The following CACNA2D3 variants were observed in gnomAD, a reference collection of about 807,000 sequenced individuals.
The protein encoded by CACNA2D3 is voltage-dependent calcium channel subunit alpha-2/delta-3.
In CACNA2D3, 60 loss-of-function variants were observed where a neutral mutation model predicts 160.6. The ratio of observed to expected loss-of-function variants is 0.37; its 90% CI spans 0.30 to 0.46. The LOEUF is 0.46. Among genes scored for constraint, CACNA2D3 ranks in the 20% least tolerant of loss-of-function variants. CACNA2D3 has a pLI of 1.00. For synonymous variants in CACNA2D3, 558 were observed against 492.9 expected (o/e 1.13, Z -1.75); for missense variants, 1,205 against 1,365.0 (o/e 0.88, Z 1.85).
Position 54,182,611 on chromosome 3 carries a change from G to A in CACNA2D3, c.204+59017G>A, listed in dbSNP as rs553546239. Among the ~76,000 whole-genome samples the A allele has an allele frequency of 1.8e-4, 27 of 152,258 alleles. 1 individual carries two copies. The East Asian group carries it at 4.4e-3, about 25-fold the overall frequency. ...TGTAGTCTGAAACAAATGTTACTACGTTATTTGATTTAGAGTGACTATGTT... is the reference window on the plus strand; with the variant it reads ...TGTAGTCTGAAACAAATGTTACTACATTATTTGATTTAGAGTGACTATGTT... On this transcript the variant is annotated intron_variant, in intron 2 of 37. Transcript: ENST00000474759.
intron 3 of CACNA2D3, among the ~76,000 whole-genome samples, chr3:54,363,119 C>T (rs566894434): frequency 9.2e-5 from 14 of 152,228 alleles, no homozygotes; most frequent in Admixed American, 3.3e-4. Context: ...TGCTTGAACC[C>T]AGGAGGCAGA....
intron 2 of CACNA2D3, among the ~76,000 whole-genome samples, chr3:54,205,118 G>A (rs1016062866): frequency 6.6e-6 from 1 of 152,170 alleles, no homozygotes; most frequent in East Asian, 1.9e-4. Flanking sequence ...GATCTAGGTG[G>A]CATGACACCT....
chr3:54,607,842 C>T (rs1017693405), intron 9 of CACNA2D3, among the ~76,000 whole-genome samples: 17 of 152,152 alleles, frequency 1.1e-4, no homozygotes, highest in African/African-American at 1.9e-4. Flanking sequence ...TCCTTCAGCA[C>T]GGGAATGAAT....
rs531916242 is a variant in CACNA2D3, at chr3:54,435,878, A to C, written c.381+49104A>C. Among the ~76,000 whole-genome samples the C allele has an allele frequency of 2.6e-5, 4 of 152,336 alleles. No homozygotes were observed. In the South Asian group the frequency reaches 8.3e-4, roughly 32 times the overall value. Reference sequence around the variant, plus strand: ...AAATTAGAAAATCTTAGCCAAAAACAGAAGTAATTTAAAAGAGAACCAAGT... The same window carrying C: ...AAATTAGAAAATCTTAGCCAAAAACCGAAGTAATTTAAAAGAGAACCAAGT... On this transcript the variant is annotated intron_variant, in intron 4 of 37. Transcript: ENST00000474759.
At chr3:54,759,947 C>T (rs1166439798) in intron 12 of CACNA2D3, among the ~76,000 whole-genome samples, 1 of 152,212 alleles carries the variant, frequency 6.6e-6, no homozygotes, top group East Asian at 1.9e-4. Context: ...ACGGTGAGCA[C>T]ATGCTTTGGG....
intron 17 of CACNA2D3, among the ~76,000 whole-genome samples, chr3:54,871,223 A>ACACACC (rs1553897938): frequency 1.4e-5 from 2 of 143,966 alleles, no homozygotes; most frequent in African/African-American, 2.5e-5. Context: ...ACACACACAC[A>ACACACC]CCCCCCATTC....
At chr3:54,814,648 G>A (rs1703408757) in intron 13 of CACNA2D3, among the ~76,000 whole-genome samples, 1 of 152,228 alleles carries the variant, frequency 6.6e-6, no homozygotes, top group Non-Finnish European at 1.5e-5. Context: ...GTTCTCGTAA[G>A]TTATTTCTTG....
At chr3:55,049,051 C>T (rs1419682130) in intron 35 of CACNA2D3, among the ~76,000 whole-genome samples, 1 of 151,060 alleles carries the variant, frequency 6.6e-6, no homozygotes, top group Non-Finnish European at 1.5e-5. Flanking sequence ...TTCAAAAAAC[C>T]AGCTCCTGGA....
At chr3:54,195,938 A>G (rs1365757666) in intron 2 of CACNA2D3, among the ~76,000 whole-genome samples, 2 of 152,238 alleles carry the variant, frequency 1.3e-5, no homozygotes, top group East Asian at 1.9e-4. Flanking sequence ...TTACAATTTC[A>G]TACTTTTAAT....
At chr3:54,973,033 G>A (rs1349781312) in intron 29 of CACNA2D3, among the ~76,000 whole-genome samples, 5 of 152,132 alleles carry the variant, frequency 3.3e-5, no homozygotes, top group African/African-American at 7.2e-5. Flanking sequence ...ATTGTGGTAA[G>A]TCCTGCAGAG....
chr3:54,815,857 A>G (rs1171492178), intron 13 of CACNA2D3, among the ~76,000 whole-genome samples: 1 of 152,260 alleles, frequency 6.6e-6, no homozygotes, highest in Non-Finnish European at 1.5e-5. Context: ...TATGTTGAGA[A>G]GTAAATCTTC....
intron 11 of CACNA2D3, among the ~76,000 whole-genome samples, chr3:54,737,977 A>G (rs551639298): frequency 2.6e-5 from 4 of 152,296 alleles, no homozygotes; most frequent in African/African-American, 7.2e-5. Context: ...GAGGGACTCT[A>G]TCTTATTCCT....
At chr3:54,204,355 TG>T (rs1701233005) in intron 2 of CACNA2D3, among the ~76,000 whole-genome samples, 1 of 139,438 alleles carries the variant, frequency 7.2e-6, no homozygotes, top group Non-Finnish European at 1.5e-5. Flanking sequence ...CATATGTATA[TG>T]GCTCTGTTTC....
chr3:54,285,330 A>T (rs1165679954), intron 2 of CACNA2D3, among the ~76,000 whole-genome samples: 2 of 152,188 alleles, frequency 1.3e-5, no homozygotes. Flanking sequence ...TCTCGCTGAT[A>T]GCTAGCACAG....
At chr3:55,054,028 A>T (rs530489032) in intron 35 of CACNA2D3, among the ~76,000 whole-genome samples, 8 of 149,958 alleles carry the variant, frequency 5.3e-5, no homozygotes, top group African/African-American at 2.0e-4. Context: ...TTTTCCTGCT[A>T]TTGGCTTATT....
At chr3:54,276,747 T>C (rs1368465793) in intron 2 of CACNA2D3, among the ~76,000 whole-genome samples, 1 of 152,062 alleles carries the variant, frequency 6.6e-6, no homozygotes, top group Admixed American at 6.6e-5. Context: ...TAAAGAAGTT[T>C]TTTTCTGTGC....
chr3:54,208,741 A>G (rs950316666), intron 2 of CACNA2D3, among the ~76,000 whole-genome samples: 2 of 94,700 alleles, frequency 2.1e-5, no homozygotes, highest in Non-Finnish European at 2.1e-5. Flanking sequence ...TGGTCATTAA[A>G]AAACCTTTTT....
chr3:55,019,646 C>T (rs558592718), intron 35 of CACNA2D3, among the ~76,000 whole-genome samples: 2 of 152,068 alleles, frequency 1.3e-5, no homozygotes, highest in Non-Finnish European at 2.9e-5. Context: ...TCTTTGAGAT[C>T]GACTTGTTTG....
At chr3:54,498,171 T>A (rs1399528017) in intron 4 of CACNA2D3, among the ~76,000 whole-genome samples, 1 of 151,850 alleles carries the variant, frequency 6.6e-6, no homozygotes, top group African/African-American at 2.4e-5. Context: ...TTTTTTCTCA[T>A]ATATTTGATA....
Sources: gnomAD v4.1 joint callset for allele counts (sites outside exome capture counted in the v4.1 genomes callset) on GRCh38, gnomAD v4.1.1 for gene constraint, MANE v1.5 for transcripts, NCBI Gene and HGNC (gene_info 2026-07-23, HGNC 2026-07-21) for gene names.